CLEC4D: variants seen among roughly 807,000 people sequenced by gnomAD.
CLEC4D encodes C-type (calcium dependent, carbohydrate-recognition domain) lectin, superfamily member 8.
A neutral mutation model predicts 21.1 loss-of-function variants in CLEC4D; 21 were observed. That is an observed-to-expected ratio of 1.00 (90% CI 0.71 to 1.43). The LOEUF is 1.43. Among genes scored for constraint, CLEC4D ranks in the 40% most tolerant of loss-of-function variants. CLEC4D has a pLI of 0.00. For synonymous variants in CLEC4D, 85 were observed against 83.1 expected (o/e 1.02, Z -0.12); for missense variants, 289 against 260.7 (o/e 1.11, Z -0.75).
downstream of CLEC4D, among the ~76,000 whole-genome samples, chr12:8,525,505 C>T (rs1310178211): frequency 1.3e-5 from 2 of 152,130 alleles, no homozygotes; most frequent in Admixed American, 6.6e-5. Flanking sequence ...ACTAAGATTG[C>T]AACTCCTACT....
At chr12:8,524,896 G>A (rs1270554568), downstream of CLEC4D, among the ~76,000 whole-genome samples, 1 of 152,094 alleles carries the variant, frequency 6.6e-6, no homozygotes, top group Non-Finnish European at 1.5e-5. Context: ...CTGGTACATT[G>A]TATCTTTGTT....
chr12:8,521,469 G>T lies in CLEC4D; in HGVS notation c.*198G>T. ...GTGTGTGTGTGTGTGTAGATAATGT[G>T]GTTTTTGTATGGTGTTTGATGGAAG... On this transcript the variant is annotated 3_prime_UTR_variant, in exon 6 of 6. Coordinates refer to ENST00000299665, the MANE Select transcript of CLEC4D (RefSeq NM_080387.5). The T allele has an allele frequency of 2.6e-6, 3 of 1,166,556 alleles. No homozygotes were observed. Among genetic ancestry groups the T allele is most frequent in the South Asian group, 2.5e-5 (1 of 39,976 alleles). The allele number at this position is 1,166,556 out of a possible 1,614,324, so 72.3% of individuals were successfully genotyped here. A position where few individuals can be genotyped will look rare whatever the true frequency, so the allele number is the denominator to read the frequency against.
At chr12:8,516,487 A>C (rs1940383119) in intron 2 of CLEC4D, among the ~76,000 whole-genome samples, 4 of 152,230 alleles carry the variant, frequency 2.6e-5, no homozygotes, top group Admixed American at 1.3e-4. Context: ...TGTCTAATAA[A>C]CACACAAAAG....
intron 2 of CLEC4D, among the ~76,000 whole-genome samples, chr12:8,517,239 T>C (rs75478045): frequency 0.014 from 2,083 of 152,332 alleles, 49 homozygotes; most frequent in African/African-American, 0.046. Context: ...GTGTTCACCT[T>C]ACAATAATTT....
At position 8,515,244 on chromosome 12, in the gene CLEC4D, G is replaced by A; in HGVS notation, c.37G>A (p.Gly13Ser). Residue 13 changes from glycine to serine, a missense_variant, in exon 2 of 6, where the codon GGC becomes AGC. Coordinates refer to ENST00000299665, the MANE Select transcript of CLEC4D (RefSeq NM_080387.5). ...TTTTCTTTTGGTCCTAGTGGAAGGAGGCATGCATCCCCAGCTGATACCTTC... is the reference window on the plus strand; with the variant it reads ...TTTTCTTTTGGTCCTAGTGGAAGGAAGCATGCATCCCCAGCTGATACCTTC... ...LEKPQSKLEG[G>S]MHPQLIPSVI... 8 of 1,410,248 alleles carry A rather than the reference G, an allele frequency of 5.7e-6. No individual in the cohort carries two copies. Among genetic ancestry groups the A allele is most frequent in the Non-Finnish European group, 8.0e-6 (8 of 994,504 alleles). 87.4% of individuals were successfully genotyped at this position (1,410,248 alleles called of 1,614,324 possible). A position where few individuals can be genotyped will look rare whatever the true frequency, so the allele number is the denominator to read the frequency against.
downstream of CLEC4D, among the ~76,000 whole-genome samples, chr12:8,524,156 T>G (rs1940488595): frequency 6.6e-6 from 1 of 151,534 alleles, no homozygotes; most frequent in African/African-American, 2.4e-5. Context: ...GGCCTGAAGT[T>G]TTTTTTTTGG....
At chr12:8,517,509 A>G (rs1940396398) in intron 2 of CLEC4D, among the ~76,000 whole-genome samples, 1 of 143,796 alleles carries the variant, frequency 7.0e-6, no homozygotes, top group South Asian at 2.3e-4. Flanking sequence ...ATTTGTTTAT[A>G]TATTTCAAGG....
rs761241989 is a variant in CLEC4D at position 8,519,005 on chromosome 12, T to G, written c.233-4T>G. On this transcript the variant is annotated splice_region_variant and splice_polypyrimidine_tract_variant and intron_variant, in intron 3 of 5. Coordinates refer to ENST00000299665, the MANE Select transcript of CLEC4D (RefSeq NM_080387.5). ...ACCAATTTCCGTTTTAATTTTCACT[T>G]GAGGGAGCACCTGGAACTGTTGTCC... is the stretch of plus-strand genomic sequence containing the variant. The G allele has an allele frequency of 1.9e-6, 3 of 1,611,318 alleles. No individual in the cohort carries two copies. Among genetic ancestry groups the G allele is most frequent in the Non-Finnish European group, 1.7e-6 (2 of 1,179,172 alleles).
At chr12:8,518,898 T>G in intron 3 of CLEC4D, 111 bp from the exon 4 acceptor site, 4 of 1,432,310 alleles carry the variant, frequency 2.8e-6, no homozygotes, top group Non-Finnish European at 3.7e-6. Flanking sequence ...TTGGTGATCT[T>G]GATATTATTC....
At chr12:8,530,966 C>T in the CLEC4D span, among the ~76,000 whole-genome samples, 6 of 152,228 alleles carry the variant, frequency 3.9e-5, no homozygotes, top group African/African-American at 1.4e-4. Flanking sequence ...TCTACCTCTC[C>T]ATCCTGTGCT....
chr12:8,516,893 C>A (rs1330224017), intron 2 of CLEC4D, among the ~76,000 whole-genome samples: 8 of 152,130 alleles, frequency 5.3e-5, no homozygotes, highest in Admixed American at 1.3e-4. Flanking sequence ...TTCAGGAAGA[C>A]AATAGTTCAC....
chr12:8,529,535 A>T, the CLEC4D span, among the ~76,000 whole-genome samples: 1 of 152,160 alleles, frequency 6.6e-6, no homozygotes, highest in African/African-American at 2.4e-5. Context: ...GGATTGCTTG[A>T]GCCCAGGAAG....
Position 8,515,298 on chromosome 12 carries a change from C to T in CLEC4D, c.91C>T (p.Leu31Phe), listed in dbSNP as rs747437214. 19 of 1,499,752 alleles carry T rather than the reference C, an allele frequency of 1.3e-5. No homozygotes were observed. Among genetic ancestry groups the T allele is most frequent in the Non-Finnish European group, 1.7e-5 (18 of 1,076,302 alleles). 92.9% of individuals were successfully genotyped at this position (1,499,752 alleles called of 1,614,324 possible). The part of the protein sequence containing the change: ...SVIAVVFILL[L>F]SVCFIASCLV... ...TATTGCTGTAGTTTTCATCTTACTT[C>T]TCAGTGTCTGTTTTATTGCAAGTTG... Residue 31 changes from leucine to phenylalanine, a missense_variant, in exon 2 of 6, where the codon CTC becomes TTC. By Grantham distance (22) the Leu-to-Phe change is conservative (BLOSUM62 0). Transcript: ENST00000299665.
At chr12:8,525,244 T>C (rs1429448205), downstream of CLEC4D, among the ~76,000 whole-genome samples, 3 of 152,188 alleles carry the variant, frequency 2.0e-5, no homozygotes, top group African/African-American at 7.2e-5. Flanking sequence ...GTTCAAGTTC[T>C]GAATATCCTT....
downstream of CLEC4D, among the ~76,000 whole-genome samples, chr12:8,522,726 T>C (rs1237219717): frequency 6.6e-6 from 1 of 152,136 alleles, no homozygotes; most frequent in Non-Finnish European, 1.5e-5. Context: ...TAAAGAACTA[T>C]ATATAGGTTG....
At position 8,519,466 on chromosome 12, in the gene CLEC4D, C is replaced by T. The variant is rs112546866; in HGVS notation, c.384+306C>T. Among the ~76,000 whole-genome samples the T allele has an allele frequency of 2.1e-3, 326 of 152,276 alleles. 2 individuals carry two copies. The highest frequency in any genetic ancestry group is 7.2e-3 in the African/African-American group (300 of 41,542). ...ACGAGATCATGGCATTTACTTCACT[C>T]CACTATAATTGTCTGTTCACTGCTC... On this transcript the variant is annotated intron_variant, in intron 4 of 5. Coordinates refer to ENST00000299665, the MANE Select transcript of CLEC4D (RefSeq NM_080387.5).
At chr12:8,518,131 AAAAG>A (rs762433531) in intron 2 of CLEC4D, 29 bp from the exon 3 acceptor site, 10 of 855,912 alleles carry the variant, frequency 1.2e-5, no homozygotes, top group Non-Finnish European at 2.0e-5. Context: ...GTTATATAGA[AAAAG>A]AAACCTAACT....
At chr12:8,516,629 G>A (rs1356749617) in intron 2 of CLEC4D, among the ~76,000 whole-genome samples, 2 of 152,196 alleles carry the variant, frequency 1.3e-5, no homozygotes, top group Non-Finnish European at 2.9e-5. Flanking sequence ...TGGAGCAAAT[G>A]GACCTCTAGT....
chr12:8,528,579 T>C, the CLEC4D span, among the ~76,000 whole-genome samples: 1 of 152,216 alleles, frequency 6.6e-6, no homozygotes, highest in Non-Finnish European at 1.5e-5. Context: ...AGTAATTTCA[T>C]AAAAATAGGT....
Sources: gnomAD v4.1 joint callset for allele counts (sites outside exome capture counted in the v4.1 genomes callset) on GRCh38, gnomAD v4.1.1 for gene constraint, MANE v1.5 for transcripts, NCBI Gene and HGNC (gene_info 2026-07-23, HGNC 2026-07-21) for gene names.